ERC1: variants seen among roughly 807,000 people sequenced by gnomAD.
The protein encoded by ERC1 is RAB6 interacting protein 2.
ERC1 carries 56 observed loss-of-function variants against 132.0 expected under a neutral mutation model. That is an observed-to-expected ratio of 0.42 (90% CI 0.34 to 0.53). The LOEUF is 0.53. Ranked by LOEUF, ERC1 falls within the 20% of genes least tolerant of loss-of-function variation. The pLI is 0.03. For missense variants in ERC1, 1,202 were observed against 1,349.9 expected, an observed-to-expected ratio of 0.89 and a Z score of 1.72; for synonymous variants, 478 against 476.1, an observed-to-expected ratio of 1.00 and a Z score of -0.05.
intron 1 of ERC1, among the ~76,000 whole-genome samples, chr12:992,367 A>T (rs1959710209): frequency 1.3e-5 from 2 of 152,190 alleles, no homozygotes. Flanking sequence ...ATTATATGAA[A>T]AATGCTTAAA....
chr12:1,309,430 T>C (rs16928350), intron 15 of ERC1, among the ~76,000 whole-genome samples: 4,067 of 152,290 alleles, frequency 0.027, 183 homozygotes, highest in African/African-American at 0.094. Context: ...TAAGTATTGA[T>C]GACATCTTAG....
chr12:1,180,937 G>A (rs1411215954), intron 9 of ERC1, among the ~76,000 whole-genome samples: 6 of 151,776 alleles, frequency 4.0e-5, no homozygotes, highest in South Asian at 2.1e-4. Context: ...TCAGCCTCCC[G>A]AGTAGCTGAG....
At position 1,110,272 on chromosome 12, in the gene ERC1, G is replaced by C; in HGVS notation, c.1242G>C (p.Leu414Phe). The change falls in exon 5 of 19, where the codon TTG becomes TTC. Residue 414 changes from leucine (L) to phenylalanine (F), a missense_variant. Coordinates refer to ENST00000360905, the MANE Select transcript of ERC1 (RefSeq NM_178040.4). ...EIQMLKSNGA[L>F]STEEREEEMK... ...AGATGCTGAAATCGAATGGTGCTTT[G>C]AGTACTGAGGAAAGGGAAGAAGAAA... The C allele has an allele frequency of 1.9e-6, 3 of 1,613,714 alleles. No individual in the cohort carries two copies. Among genetic ancestry groups the C allele is most frequent in the Non-Finnish European group, 2.5e-6 (3 of 1,179,768 alleles).
At chr12:1,358,726 G>A (rs1273379568) in intron 15 of ERC1, among the ~76,000 whole-genome samples, 1 of 152,164 alleles carries the variant, frequency 6.6e-6, no homozygotes, top group Non-Finnish European at 1.5e-5. Context: ...GGGTTCTGCA[G>A]GGGAAAGCTG....
chr12:1,047,587 T>C (rs1021967747), intron 2 of ERC1, among the ~76,000 whole-genome samples: 1 of 152,210 alleles, frequency 6.6e-6, no homozygotes, highest in African/African-American at 2.4e-5. Flanking sequence ...CTAGAATTAG[T>C]GTGACCACTT....
At chr12:1,344,108 T>C (rs2084197412) in intron 15 of ERC1, among the ~76,000 whole-genome samples, 1 of 152,230 alleles carries the variant, frequency 6.6e-6, no homozygotes, top group Non-Finnish European at 1.5e-5. Context: ...CCCAAAGTGC[T>C]GGGATTACAG....
Position 1,494,099 on chromosome 12 carries a change from C to T in ERC1, c.*3869C>T, listed in dbSNP as rs1033908316. On this transcript the variant is annotated 3_prime_UTR_variant, in exon 19 of 19. Coordinates refer to ENST00000360905, the MANE Select transcript of ERC1 (RefSeq NM_178040.4). ...GAGGAAAGAGCCAAGCAGAGAAGACCGCTGCGTGGAGTGTGACACCACATG... is the reference window on the plus strand; with the variant it reads ...GAGGAAAGAGCCAAGCAGAGAAGACTGCTGCGTGGAGTGTGACACCACATG... 4 of 231,940 alleles carry T rather than the reference C, an allele frequency of 1.7e-5. No individual in the cohort carries two copies. Among genetic ancestry groups the T allele is most frequent in the East Asian group, 6.1e-5 (1 of 16,422 alleles). The allele number at this position is 231,940 out of a possible 1,614,324, so 14.4% of individuals were successfully genotyped here.
chr12:1,406,197 C>T (rs764321687), intron 16 of ERC1, among the ~76,000 whole-genome samples: 1 of 152,122 alleles, frequency 6.6e-6, no homozygotes, highest in Non-Finnish European at 1.5e-5. Flanking sequence ...AACTGAGACT[C>T]AACAGCATTT....
chr12:1,357,295 C>T (rs984371902), intron 15 of ERC1, among the ~76,000 whole-genome samples: 9 of 152,134 alleles, frequency 5.9e-5, no homozygotes, highest in African/African-American at 2.2e-4. Context: ...GACAAACAGA[C>T]GTGGAATGCA....
At chr12:1,101,833 C>T (rs1460745595) in intron 3 of ERC1, among the ~76,000 whole-genome samples, 2 of 152,160 alleles carry the variant, frequency 1.3e-5, no homozygotes, top group Admixed American at 6.5e-5. Flanking sequence ...GTTATTTGTA[C>T]GGGTTGTTCA....
rs370006281 is a variant in ERC1, at chr12:1,122,572, T to C, written c.1569+6539T>C. Among the ~76,000 whole-genome samples the C allele has an allele frequency of 9.1e-5, 11 of 120,496 alleles. 3 individuals are homozygous for C. Among genetic ancestry groups the C allele is most frequent in the South Asian group, 2.4e-4 (1 of 4,130 alleles). 79.1% of individuals were successfully genotyped at this position (120,496 alleles called of 152,430 possible). On this transcript the variant is annotated intron_variant, in intron 7 of 18. Transcript: ENST00000360905. ...GTCTCTATCTCTATCTCTATCTGTG[T>C]CTCTATCTCTATCTCTATCTCTATC...
In ERC1 at chr12:1,093,236, A is replaced by G. The variant is rs573523148; in HGVS notation, c.1086+9656A>G. 5.3e-5 allele frequency among the ~76,000 whole-genome samples: 8 copies of G among 152,324 alleles called. No individual in the cohort carries two copies. In the East Asian group the frequency reaches 5.8e-4, roughly 11 times the overall value. ...CCGAGAGGTAAAAAGTAAGATTTCA[A>G]TGAAGCATTGTATTTTCTGTTTGTA... On this transcript the variant is annotated intron_variant, in intron 3 of 18. Coordinates refer to ENST00000360905, the MANE Select transcript of ERC1 (RefSeq NM_178040.4).
rs35902573 is a variant in ERC1, at chr12:1,341,069, C to CTTTTTTTTTTTTTTTT, written c.2781-30737_2781-30722dup. Among the ~76,000 whole-genome samples, 142 of 63,132 alleles carry CTTTTTTTTTTTTTTTT rather than the reference C, an allele frequency of 2.2e-3. 36 individuals are homozygous for CTTTTTTTTTTTTTTTT. The highest frequency in any genetic ancestry group is 8.1e-3 in the Middle Eastern group (1 of 124). 41.4% of individuals were successfully genotyped at this position (63,132 alleles called of 152,430 possible). A position where few individuals can be genotyped will look rare whatever the true frequency, so the allele number is the denominator to read the frequency against. Reference sequence around the variant, plus strand: ...AATGTCCACTTATTCTTTTCTTTTTCTTTTTTTTTTTTTTTTTTTTTTTTT... The same window carrying CTTTTTTTTTTTTTTTT: ...AATGTCCACTTATTCTTTTCTTTTTCTTTTTTTTTTTTTTTTTTTTTTTTTTTTTTTTTTTTTTTTT... On this transcript the variant is annotated intron_variant, in intron 15 of 18. Transcript: ENST00000360905.
At chr12:990,336 G>A (rs1031565155), upstream of ERC1, 9 of 151,524 alleles carry the variant, frequency 5.9e-5, no homozygotes, top group Non-Finnish European at 1.2e-4. Flanking sequence ...AATGGCTGTA[G>A]CTACCCTCTG....
rs181802231 is a variant in ERC1, at chr12:1,274,423, G to T, written c.2619+11258G>T. On this transcript the variant is annotated intron_variant, in intron 14 of 18. Transcript: ENST00000360905. ...TATTTTATAAAAGTGTGTAACAGGG[G>T]ACCTTATTTAGAGTGAATGGTCAGG... 3.2e-3 allele frequency among the ~76,000 whole-genome samples: 482 copies of T among 152,152 alleles called. 3 individuals carry two copies. Among genetic ancestry groups the T allele is most frequent in the African/African-American group, 0.011 (459 of 41,512 alleles).
At chr12:1,009,373 AC>A (rs1964298502) in intron 1 of ERC1, among the ~76,000 whole-genome samples, 2 of 151,990 alleles carry the variant, frequency 1.3e-5, no homozygotes, top group South Asian at 4.1e-4. Flanking sequence ...ACAGGGTTTC[AC>A]CGTGTTAGCC....
intron 2 of ERC1, among the ~76,000 whole-genome samples, chr12:1,030,019 A>G (rs1313309126): frequency 1.3e-5 from 2 of 152,122 alleles, no homozygotes; most frequent in African/African-American, 4.8e-5. Flanking sequence ...AAGTGCTGGG[A>G]TTATAGGCGC....
At chr12:1,043,523 A>G (rs1014159419) in intron 2 of ERC1, among the ~76,000 whole-genome samples, 1 of 152,194 alleles carries the variant, frequency 6.6e-6, no homozygotes, top group Non-Finnish European at 1.5e-5. Flanking sequence ...AACTGGGGGC[A>G]GAAGGTGTTT....
intron 15 of ERC1, among the ~76,000 whole-genome samples, chr12:1,343,638 C>T (rs184953039): frequency 4.0e-4 from 61 of 152,190 alleles, no homozygotes; most frequent in East Asian, 1.5e-3. Context: ...ACTATCCTTT[C>T]GGAACATCTG....
Sources: gnomAD v4.1 joint callset for allele counts (sites outside exome capture counted in the v4.1 genomes callset) on GRCh38, gnomAD v4.1.1 for gene constraint, MANE v1.5 for transcripts, NCBI Gene and HGNC (gene_info 2026-07-23, HGNC 2026-07-21) for gene names.